Variants in PDGFRL observed in about 807,000 individuals in gnomAD.
The protein encoded by PDGFRL is platelet-derived growth factor receptor-like protein.
PDGFRL carries 46 observed loss-of-function variants against 37.2 expected under a neutral mutation model. That is an observed-to-expected ratio of 1.24 (90% CI 0.98 to 1.58). The LOEUF is 1.58. Ranked by LOEUF, PDGFRL falls within the 40% of genes most tolerant of loss-of-function variation. PDGFRL has a pLI of 0.00. For missense variants in PDGFRL, 692 were observed against 467.6 expected, an observed-to-expected ratio of 1.48 and a Z score of -4.43; for synonymous variants, 251 against 184.3, an observed-to-expected ratio of 1.36 and a Z score of -2.93.
chr8:17,626,652 T>A (rs956536959), intron 3 of PDGFRL, among the ~76,000 whole-genome samples: 1 of 152,190 alleles, frequency 6.6e-6, no homozygotes, highest in African/African-American at 2.4e-5. Flanking sequence ...GGGGTATCAC[T>A]AGCTCTGAAG....
Position 17,628,612 on chromosome 8 carries a change from T to C in PDGFRL, c.631T>C (p.Phe211Leu). The C allele has an allele frequency of 1.2e-6, 2 of 1,614,180 alleles. No individual in the cohort carries two copies. The highest frequency in any genetic ancestry group is 1.7e-6 in the Non-Finnish European group (2 of 1,180,004). ...LSAKVTLHREFPAKEIPANGT... is the reference protein window; with the variant it reads ...LSAKVTLHRELPAKEIPANGT... ...GGCCAAAGTCACGCTCCACAGGGAA[T>C]TCCCAGCCAAGGAGATCCCAGCCAA... is the stretch of plus-strand genomic sequence containing the variant. The change falls in exon 4 of 6, where the codon TTC (phenylalanine) becomes CTC (leucine). Residue 211 changes from phenylalanine (F) to leucine (L), a missense_variant. By Grantham distance (22) the Phe-to-Leu change is conservative (BLOSUM62 0). Coordinates refer to ENST00000251630, the MANE Select transcript of PDGFRL (RefSeq NM_001372073.1).
chr8:17,596,295 G>C (rs1375627476), intron 2 of PDGFRL: 2 of 1,143,208 alleles, frequency 1.7e-6, no homozygotes, highest in Admixed American at 8.2e-5. Flanking sequence ...TGGCCAGATC[G>C]GCTGCCAGGC....
chr8:17,583,890 A>G (rs1803760751), intron 1 of PDGFRL, among the ~76,000 whole-genome samples: 1 of 152,180 alleles, frequency 6.6e-6, no homozygotes, highest in African/African-American at 2.4e-5. Context: ...CCCTCACCAG[A>G]TGCCCAGTCT....
At chr8:17,609,569 TG>T (rs1804359483) in intron 2 of PDGFRL, among the ~76,000 whole-genome samples, 1 of 131,060 alleles carries the variant, frequency 7.6e-6, no homozygotes, top group Non-Finnish European at 1.5e-5. Context: ...ACCTGGGAGG[TG>T]GAGGTTGCAG....
At chr8:17,585,528 G>A (rs1420241163) in intron 1 of PDGFRL, among the ~76,000 whole-genome samples, 1 of 152,094 alleles carries the variant, frequency 6.6e-6, no homozygotes, top group African/African-American at 2.4e-5. Context: ...GTGTTCCTGT[G>A]GGGTGTTTCA....
At chr8:17,616,955 C>T (rs1386822292) in intron 2 of PDGFRL, among the ~76,000 whole-genome samples, 2 of 152,148 alleles carry the variant, frequency 1.3e-5, no homozygotes, top group Non-Finnish European at 2.9e-5. Flanking sequence ...TAAGATGCAC[C>T]GGTCCCTATA....
chr8:17,627,962 C>G (rs180855168), intron 3 of PDGFRL, among the ~76,000 whole-genome samples: 42 of 147,774 alleles, frequency 2.8e-4, no homozygotes, highest in African/African-American at 9.7e-4. Flanking sequence ...TGGGCTTGTA[C>G]TGATACCTTT....
At chr8:17,593,659 C>T (rs112033133) in intron 2 of PDGFRL, among the ~76,000 whole-genome samples, 1 of 151,390 alleles carries the variant, frequency 6.6e-6, no homozygotes, top group Non-Finnish European at 1.5e-5. Flanking sequence ...CTTTGGGAGG[C>T]TGAGGCGGGC....
chr8:17,591,679 G>C (rs1803943709), intron 2 of PDGFRL, among the ~76,000 whole-genome samples: 2 of 152,208 alleles, frequency 1.3e-5, no homozygotes, highest in South Asian at 4.1e-4. Flanking sequence ...ACTTTGGGAG[G>C]CCAAGGCGGG....
At chr8:17,598,272 C>A (rs1804095225) in intron 2 of PDGFRL, among the ~76,000 whole-genome samples, 1 of 152,184 alleles carries the variant, frequency 6.6e-6, no homozygotes, top group Admixed American at 6.5e-5. Context: ...TCCCTAGAAC[C>A]CAGTTGCCTT....
chr8:17,601,537 G>A (rs1426455712), intron 2 of PDGFRL, among the ~76,000 whole-genome samples: 2 of 151,714 alleles, frequency 1.3e-5, no homozygotes, highest in African/African-American at 2.4e-5. Flanking sequence ...TGCATGTCAC[G>A]AGGGTTTGGT....
chr8:17,638,776 T>TATATATATATATATATATAA (rs1563532521), intron 5 of PDGFRL, among the ~76,000 whole-genome samples: 10 of 106,024 alleles, frequency 9.4e-5, no homozygotes, highest in South Asian at 6.8e-4. Context: ...TATATATATA[T>TATATATATATATATATATAA]ATATATATAT....
At chr8:17,621,371 G>A (rs541970669) in intron 3 of PDGFRL, among the ~76,000 whole-genome samples, 169 bp downstream of exon 3, 59 of 151,192 alleles carry the variant, frequency 3.9e-4, no homozygotes, top group African/African-American at 1.3e-3. Flanking sequence ...AAGTCTTACC[G>A]TAACCCTTCA....
chr8:17,620,053 C>A (rs141254643), intron 2 of PDGFRL, among the ~76,000 whole-genome samples: 154 of 152,280 alleles, frequency 1.0e-3, no homozygotes, highest in African/African-American at 3.6e-3. Context: ...ATCTCAAATT[C>A]TTGTGCTCAA....
chr8:17,578,001 G>A (rs1803624610), intron 1 of PDGFRL, among the ~76,000 whole-genome samples: 1 of 151,894 alleles, frequency 6.6e-6, no homozygotes, highest in Admixed American at 6.5e-5. Context: ...CCTGTCCTGG[G>A]TCCACCCTGT....
intron 4 of PDGFRL, among the ~76,000 whole-genome samples, chr8:17,631,838 T>A (rs1296052267): frequency 6.6e-6 from 1 of 152,130 alleles, no homozygotes; most frequent in Non-Finnish European, 1.5e-5. Flanking sequence ...CTCTTAGCCT[T>A]CTATCAACTT....
chr8:17,604,515 C>T (rs557919124), intron 2 of PDGFRL, among the ~76,000 whole-genome samples: 1 of 151,572 alleles, frequency 6.6e-6, no homozygotes, highest in Admixed American at 6.6e-5. Context: ...TGTTCTCACT[C>T]ATAGGTAGGA....
upstream of PDGFRL, among the ~76,000 whole-genome samples, chr8:17,576,967 G>A (rs916175559): frequency 6.6e-6 from 1 of 151,322 alleles, no homozygotes; most frequent in African/African-American, 2.4e-5. Context: ...AGAAATTCAA[G>A]GAATGGCTGT....
intron 5 of PDGFRL, among the ~76,000 whole-genome samples, chr8:17,638,934 A>AGGTGCATTG (rs1805037085): frequency 6.6e-6 from 1 of 151,676 alleles, no homozygotes; most frequent in African/African-American, 2.4e-5. Context: ...CTGTAATCCC[A>AGGTGCATTG]GCTACTAAGG....
Sources: gnomAD v4.1 joint callset for allele counts (sites outside exome capture counted in the v4.1 genomes callset) on GRCh38, gnomAD v4.1.1 for gene constraint, MANE v1.5 for transcripts, NCBI Gene and HGNC (gene_info 2026-07-23, HGNC 2026-07-21) for gene names.